The following PDXDC1 variants were observed in gnomAD, a reference collection of about 807,000 sequenced individuals.
PDXDC1 encodes the protein pyridoxal dependent decarboxylase domain containing 1, also known as pyridoxal-dependent decarboxylase domain-containing protein 1.
In PDXDC1, 42 loss-of-function variants were observed where a neutral mutation model predicts 100.1. That is an observed-to-expected ratio of 0.42 (90% CI 0.33 to 0.54). The LOEUF is 0.54. PDXDC1 is among the 20% of genes least tolerant of loss of function. The probability of loss-of-function intolerance (pLI) is 0.10; values close to 1 mark genes in which losing one functional copy is unlikely to be tolerated. For synonymous variants in PDXDC1, 260 were observed against 371.7 expected (o/e 0.70, Z 3.46); for missense variants, 636 against 979.2 (o/e 0.65, Z 4.68).
At chr16:15,011,010 CTGTAGATT>C (rs1453404487) in intron 8 of PDXDC1, among the ~76,000 whole-genome samples, 4 of 152,412 alleles carry the variant, frequency 2.6e-5, no homozygotes, top group African/African-American at 9.6e-5. Context: ...CCAAACTAAT[CTGTAGATT>C]CAACTTGATC....
At chr16:15,087,851 A>T (rs1187095759) in intron 16 of PDXDC1, among the ~76,000 whole-genome samples, 3 of 152,186 alleles carry the variant, frequency 2.0e-5, no homozygotes, top group African/African-American at 7.2e-5. Flanking sequence ...GTGGTAGCTC[A>T]TGTCTGTAAT....
chr16:14,994,943 T>A (rs1351515414), intron 1 of PDXDC1, among the ~76,000 whole-genome samples: 2 of 152,298 alleles, frequency 1.3e-5, no homozygotes, highest in Non-Finnish European at 2.9e-5. Context: ...TCTCTGTTTG[T>A]CTGTTATTGG....
chr16:15,020,975 A>AAACAC (rs370903249), intron 12 of PDXDC1, among the ~76,000 whole-genome samples: 279 of 145,544 alleles, frequency 1.9e-3, no homozygotes, highest in African/African-American at 6.7e-3. Context: ...GCACCATCTA[A>AAACAC]ACACACACAC....
At chr16:15,067,317 C>T (rs961111826) in intron 16 of PDXDC1, among the ~76,000 whole-genome samples, 1 of 145,556 alleles carries the variant, frequency 6.9e-6, no homozygotes, top group African/African-American at 2.5e-5. Flanking sequence ...TGAAAGCTTA[C>T]AAAGGAGCCA....
rs531255058 is a variant in PDXDC1 at position 15,037,826 on chromosome 16, G to A, written c.*1551G>A. ...AAAAAAACTGGACATCAATTTTTTA[G>A]TAAACCAAAAAATAAGTCTCAACAA... On this transcript the variant is annotated 3_prime_UTR_variant, in exon 23 of 23. Transcript: ENST00000396410. 296 of 467,866 alleles carry A rather than the reference G, an allele frequency of 6.3e-4. 1 individual carries two copies. Among genetic ancestry groups the A allele is most frequent in the African/African-American group, 5.3e-3 (268 of 51,040 alleles). The allele number at this position is 467,866 out of a possible 1,614,324, so 29.0% of individuals were successfully genotyped here. A position where few individuals can be genotyped will look rare whatever the true frequency, so the allele number is the denominator to read the frequency against.
At chr16:15,011,637 T>TG (rs1214286285) in intron 8 of PDXDC1, among the ~76,000 whole-genome samples, 2,908 of 113,334 alleles carry the variant, frequency 0.026, 24 homozygotes, top group African/African-American at 0.089. Context: ...TTTTCTTTTT[T>TG]TTTTTTTTTT....
chr16:15,055,986 C>T, intron 16 of PDXDC1: 1 of 1,203,296 alleles, frequency 8.3e-7, no homozygotes, highest in Non-Finnish European at 1.0e-6. Flanking sequence ...GAGGCGGCCG[C>T]CCAGGCAGGC....
intron 8 of PDXDC1, among the ~76,000 whole-genome samples, 159 bp downstream of exon 8, chr16:15,009,918 C>T (rs1265556911): frequency 2.6e-5 from 4 of 152,286 alleles, no homozygotes; most frequent in African/African-American, 9.6e-5. Context: ...AAGGTTGGCT[C>T]GTTAGATTTT....
downstream of PDXDC1, chr16:15,038,469 C>A (rs987705274): frequency 1.4e-5 from 10 of 693,646 alleles, no homozygotes; most frequent in Non-Finnish European, 5.0e-6. Context: ...AGTTACTACC[C>A]GCCAAAGGGA....
At chr16:15,035,410 G>A in intron 21 of PDXDC1, 39 bp from the exon 22 acceptor site, 1 of 1,270,958 alleles carries the variant, frequency 7.9e-7, no homozygotes, top group Non-Finnish European at 1.1e-6. Context: ...AGGGCAGCCT[G>A]TGCCTGTAGC....
At chr16:15,030,674 C>T (rs1189733069) in intron 16 of PDXDC1, among the ~76,000 whole-genome samples, 2 of 151,714 alleles carry the variant, frequency 1.3e-5, no homozygotes, top group African/African-American at 4.8e-5. Flanking sequence ...GCCTTGACCT[C>T]CTGGGCTCAA....
intron 16 of PDXDC1, chr16:15,131,569 C>A: frequency 1.3e-6 from 2 of 1,595,230 alleles, no homozygotes; most frequent in Non-Finnish European, 1.7e-6. Flanking sequence ...GTTGAGCACG[C>A]GGGAGCGCGT....
At position 15,073,119 on chromosome 16, in the gene PDXDC1, A is replaced by G. The variant is rs763916197; in HGVS notation, c.1399+43063A>G. ...CTGGCATCTCAGTTTTTATAAAGAC[A>G]TATTTTCAAGTTTCATCTGCCATAT... On this transcript the variant is annotated intron_variant, in intron 16 of 16. Coordinates refer to the PDXDC1 transcript ENST00000535621. The G allele has an allele frequency of 6.3e-6, 10 of 1,598,238 alleles. 1 individual carries two copies. The highest frequency in any genetic ancestry group is 5.5e-5 in the Admixed American group (3 of 54,792).
At chr16:15,061,805 C>T (rs1468765561) in intron 16 of PDXDC1, 22 of 1,614,032 alleles carry the variant, frequency 1.4e-5, no homozygotes, top group South Asian at 3.3e-5. Context: ...TGAAGGACTT[C>T]GGAAATGCGT....
intron 16 of PDXDC1, chr16:15,065,427 TG>T (rs1412387542): frequency 6.5e-7 from 1 of 1,527,756 alleles, no homozygotes; most frequent in African/African-American, 1.4e-5. Context: ...AGTGACTCGG[TG>T]CAGATGTGAG....
intron 16 of PDXDC1, chr16:15,135,438 C>T (rs1245651302): frequency 1.1e-5 from 14 of 1,255,366 alleles, no homozygotes; most frequent in South Asian, 3.8e-5. Context: ...CTCTGCAGGC[C>T]GAGAACAAGG....
intron 1 of PDXDC1, among the ~76,000 whole-genome samples, chr16:14,992,894 C>T (rs1971157410): frequency 1.3e-5 from 2 of 151,840 alleles, no homozygotes; most frequent in Admixed American, 6.6e-5. Flanking sequence ...TACTCTGTTC[C>T]AGGCTGGAGC....
chr16:15,000,172 C>G (rs575635810), intron 3 of PDXDC1, among the ~76,000 whole-genome samples: 1 of 152,408 alleles, frequency 6.6e-6, no homozygotes, highest in East Asian at 1.9e-4. Context: ...CCTAATTCCA[C>G]GGAAGTTTTC....
chr16:15,044,020 G>T (rs545815467), intron 16 of PDXDC1, among the ~76,000 whole-genome samples: 4 of 152,162 alleles, frequency 2.6e-5, no homozygotes, highest in Non-Finnish European at 4.4e-5. Flanking sequence ...ATTTTCTGCA[G>T]ATTAAAATGG....
Sources: allele counts gnomAD v4.1 joint callset (sites outside exome capture counted in the v4.1 genomes callset), GRCh38; gene constraint gnomAD v4.1.1; transcripts MANE v1.5; gene names NCBI Gene and HGNC (gene_info 2026-07-23, HGNC 2026-07-21).